MDGA2: variants seen among roughly 807,000 people sequenced by gnomAD.
MDGA2 encodes MAM domain-containing glycosylphosphatidylinositol anchor protein 2.
MDGA2 carries 40 observed loss-of-function variants against 117.8 expected under a neutral mutation model. The ratio of observed to expected loss-of-function variants is 0.34; its 90% CI spans 0.26 to 0.44. The LOEUF (loss-of-function observed/expected upper bound fraction) is 0.44, where lower values mean the gene tolerates loss of function less well. Among genes scored for constraint, MDGA2 ranks in the 20% least tolerant of loss-of-function variants. The pLI is 1.00. For synonymous variants in MDGA2, 452 were observed against 439.0 expected (o/e 1.03, Z -0.37); for missense variants, 1,123 against 1,250.6 (o/e 0.90, Z 1.54).
At chr14:47,230,366 C>T (rs1273254077) in intron 2 of MDGA2, among the ~76,000 whole-genome samples, 8 of 151,926 alleles carry the variant, frequency 5.3e-5, no homozygotes, top group Non-Finnish European at 1.0e-4. Flanking sequence ...AGTATTCTAG[C>T]AGGTAAATTT....
chr14:47,131,526 G>C (rs1436498424), intron 5 of MDGA2, among the ~76,000 whole-genome samples, 188 bp downstream of exon 5: 1 of 151,910 alleles, frequency 6.6e-6, no homozygotes, highest in East Asian at 1.9e-4. Context: ...ATTACATGGA[G>C]TATATTACAA....
chr14:47,002,571 G>GA (rs1887570279), intron 8 of MDGA2, among the ~76,000 whole-genome samples: 1 of 151,408 alleles, frequency 6.6e-6, no homozygotes, highest in African/African-American at 2.4e-5. Flanking sequence ...CTAATAAACA[G>GA]AAAAAAAATT....
intron 1 of MDGA2, among the ~76,000 whole-genome samples, chr14:47,357,746 A>G (rs1045349412): frequency 6.6e-6 from 1 of 152,186 alleles, no homozygotes; most frequent in African/African-American, 2.4e-5. Flanking sequence ...TGTGTCTTCC[A>G]GACTTCAACA....
intron 1 of MDGA2, among the ~76,000 whole-genome samples, chr14:47,664,729 C>G (rs1897910742): frequency 6.6e-6 from 1 of 152,194 alleles, no homozygotes; most frequent in Admixed American, 6.5e-5. Flanking sequence ...GCTGTACATT[C>G]GTAAAGAACG....
chr14:47,630,719 C>A (rs1205767476), intron 1 of MDGA2, among the ~76,000 whole-genome samples: 1 of 152,188 alleles, frequency 6.6e-6, no homozygotes, highest in Non-Finnish European at 1.5e-5. Flanking sequence ...TATCTATTCT[C>A]TACCTGTTGC....
At chr14:47,082,426 G>A (rs1890741199) in intron 6 of MDGA2, among the ~76,000 whole-genome samples, 1 of 151,754 alleles carries the variant, frequency 6.6e-6, no homozygotes, top group African/African-American at 2.4e-5. Flanking sequence ...GAAAATCCAA[G>A]GAAAAATCTG....
chr14:47,140,123 C>A (rs1021925649), intron 4 of MDGA2, among the ~76,000 whole-genome samples: 1 of 151,484 alleles, frequency 6.6e-6, no homozygotes, highest in Non-Finnish European at 1.5e-5. Flanking sequence ...ATAAATTTAA[C>A]CAAGGAGGGG....
intron 2 of MDGA2, among the ~76,000 whole-genome samples, chr14:47,255,422 T>C (rs188851604): frequency 6.6e-6 from 1 of 152,136 alleles, no homozygotes; most frequent in African/African-American, 2.4e-5. Flanking sequence ...TATAACATGA[T>C]CAGATTTGTG....
chr14:47,610,510 C>A (rs1269214165), intron 1 of MDGA2, among the ~76,000 whole-genome samples: 3 of 152,002 alleles, frequency 2.0e-5, no homozygotes, highest in Admixed American at 6.6e-5. Context: ...CTCCTATACA[C>A]CAACAGCAAC....
intron 10 of MDGA2, among the ~76,000 whole-genome samples, chr14:46,898,372 T>C (rs567435638): frequency 6.6e-6 from 1 of 151,992 alleles, no homozygotes; most frequent in Non-Finnish European, 1.5e-5. Context: ...TAATTGGATA[T>C]AGAGAATAAA....
At position 47,033,173 on chromosome 14, in the gene MDGA2, G is replaced by A. The variant is rs142152968; in HGVS notation, c.1819+1838C>T. ...TCTTATGCTGAATTTATTTTCTAGC[G>A]GACTAATTAAGAAGCAGGAGAAAGG... On this transcript the variant is annotated intron_variant, in intron 8 of 16. Transcript: ENST00000399232. 7.8e-3 allele frequency among the ~76,000 whole-genome samples: 1,187 copies of A among 152,106 alleles called. 7 individuals are homozygous for A. The highest frequency in any genetic ancestry group is 0.041 in the Middle Eastern group (12 of 294).
In MDGA2 at chr14:47,369,694, T is replaced by A. The variant is rs553125160; in HGVS notation, c.281-68144A>T. 2.0e-5 allele frequency among the ~76,000 whole-genome samples: 3 copies of A among 152,160 alleles called. No homozygotes were observed. In the East Asian group the frequency reaches 5.8e-4, roughly 29 times the overall value. On this transcript the variant is annotated intron_variant, in intron 1 of 16. Transcript: ENST00000399232. Reference sequence around the variant, plus strand: ...ATAAATAAAATATGATTTTTTCCCATCAATATAGTGGTCATCTGCTTTTCT... The same window carrying A: ...ATAAATAAAATATGATTTTTTCCCAACAATATAGTGGTCATCTGCTTTTCT...
intron 2 of MDGA2, among the ~76,000 whole-genome samples, chr14:47,236,303 A>C (rs972120317): frequency 1.8e-3 from 279 of 151,488 alleles, no homozygotes; most frequent in African/African-American, 6.3e-3. Flanking sequence ...AAAAAAAAAA[A>C]AAAAAAAAAA....
At chr14:47,399,206 AG>A (rs1892080298) in intron 1 of MDGA2, among the ~76,000 whole-genome samples, 1 of 152,172 alleles carries the variant, frequency 6.6e-6, no homozygotes, top group South Asian at 2.1e-4. Flanking sequence ...ATAAGAAAGA[AG>A]GAAGCATCCA....
At chr14:47,026,742 A>G (rs1473057206) in intron 8 of MDGA2, among the ~76,000 whole-genome samples, 1 of 152,138 alleles carries the variant, frequency 6.6e-6, no homozygotes, top group Non-Finnish European at 1.5e-5. Context: ...GAAGGCACAG[A>G]ACTTTTATAG....
intron 1 of MDGA2, among the ~76,000 whole-genome samples, chr14:47,369,339 T>A (rs1423192354): frequency 5.9e-5 from 9 of 152,112 alleles, no homozygotes; most frequent in Non-Finnish European, 1.2e-4. Flanking sequence ...GAGATGAAGA[T>A]CTTTGTACAT....
At chr14:47,458,123 T>TTTTTAAATCAGGTTGTTTTGTTGCTAC (rs1893400062) in intron 1 of MDGA2, among the ~76,000 whole-genome samples, 2 of 152,128 alleles carry the variant, frequency 1.3e-5, no homozygotes, top group South Asian at 2.1e-4. Context: ...ACTTTGGCCA[T>TTTTTAAATCAGGTTGTTTTGTTGCTAC]TTTTAAATCA....
At chr14:47,243,866 C>T (rs1244749317) in intron 2 of MDGA2, among the ~76,000 whole-genome samples, 1 of 151,806 alleles carries the variant, frequency 6.6e-6, no homozygotes, top group Non-Finnish European at 1.5e-5. Flanking sequence ...ATAGGACATA[C>T]GTGTGATTGT....
intron 1 of MDGA2, among the ~76,000 whole-genome samples, chr14:47,309,195 C>T (rs1889555398): frequency 1.3e-5 from 2 of 152,006 alleles, no homozygotes; most frequent in South Asian, 2.1e-4. Context: ...ACATAAACAA[C>T]ATATATATTA....
Sources: gnomAD v4.1 joint callset for allele counts (sites outside exome capture counted in the v4.1 genomes callset) on GRCh38, gnomAD v4.1.1 for gene constraint, MANE v1.5 for transcripts, NCBI Gene and HGNC (gene_info 2026-07-23, HGNC 2026-07-21) for gene names.